Variants in HMGCLL1 observed in about 807,000 individuals in gnomAD.
HMGCLL1 encodes the protein 3-hydroxy-3-methylglutaryl-CoA lyase like 1.
A neutral mutation model predicts 39.1 loss-of-function variants in HMGCLL1; 36 were observed. The ratio of observed to expected loss-of-function variants is 0.92; its 90% confidence interval spans 0.71 to 1.22. HMGCLL1 has a LOEUF of 1.22. Ranked by LOEUF, HMGCLL1 falls within the 50% of genes most tolerant of loss-of-function variation. The pLI is 0.00. For missense variants in HMGCLL1, 451 were observed against 416.5 expected, an observed-to-expected ratio of 1.08 and a Z score of -0.72; for synonymous variants, 149 against 144.0, an observed-to-expected ratio of 1.03 and a Z score of -0.25.
At chr6:55,676,105 T>A in the HMGCLL1 span, among the ~76,000 whole-genome samples, 1 of 152,252 alleles carries the variant, frequency 6.6e-6, no homozygotes, top group African/African-American at 2.4e-5. Flanking sequence ...ACACTACATA[T>A]TTTTAGAATT....
intron 1 of HMGCLL1, among the ~76,000 whole-genome samples, chr6:55,571,097 C>T (rs1033962129): frequency 3.3e-5 from 5 of 152,198 alleles, no homozygotes; most frequent in Non-Finnish European, 2.9e-5. Flanking sequence ...ATGGGAGCTA[C>T]AATTCAAGTG....
intron 7 of HMGCLL1, among the ~76,000 whole-genome samples, chr6:55,478,597 A>G (rs1313414278): frequency 6.6e-6 from 1 of 151,498 alleles, no homozygotes; most frequent in Non-Finnish European, 1.5e-5. Flanking sequence ...AAATGAAACT[A>G]TTTAGCAGAA....
At chr6:55,524,209 A>G (rs1459281526) in intron 3 of HMGCLL1, among the ~76,000 whole-genome samples, 1 of 151,888 alleles carries the variant, frequency 6.6e-6, no homozygotes, top group African/African-American at 2.4e-5. Context: ...CTCTCCATAG[A>G]AAACATCATA....
At chr6:55,565,478 G>C (rs1771169557) in intron 1 of HMGCLL1, among the ~76,000 whole-genome samples, 1 of 152,058 alleles carries the variant, frequency 6.6e-6, no homozygotes, top group African/African-American at 2.4e-5. Flanking sequence ...TGTCCCATGT[G>C]ATGTAAGTTG....
At chr6:55,559,522 CTT>C in intron 1 of HMGCLL1, among the ~76,000 whole-genome samples, 1 of 152,142 alleles carries the variant, frequency 6.6e-6, no homozygotes. Flanking sequence ...CCTATGGTCT[CTT>C]TTCCCAGCAA....
intron 3 of HMGCLL1, among the ~76,000 whole-genome samples, chr6:55,524,030 GTTC>G (rs1768179408): frequency 1.3e-5 from 2 of 151,842 alleles, no homozygotes; most frequent in African/African-American, 4.8e-5. Flanking sequence ...AACTGTAGTA[GTTC>G]TTCTAAAATA....
At chr6:55,496,682 T>C (rs1766599916) in intron 6 of HMGCLL1, among the ~76,000 whole-genome samples, 2 of 151,848 alleles carry the variant, frequency 1.3e-5, no homozygotes, top group African/African-American at 4.9e-5. Context: ...CTAGTGATGC[T>C]GGAAGTGCTC....
intron 5 of HMGCLL1, among the ~76,000 whole-genome samples, chr6:55,505,935 AT>A (rs1767137284): frequency 6.6e-6 from 1 of 151,758 alleles, no homozygotes; most frequent in Non-Finnish European, 1.5e-5. Flanking sequence ...GGGGCTAGAC[AT>A]TTGCTTAAAA....
chr6:55,545,452 T>C (rs564685648), intron 1 of HMGCLL1, among the ~76,000 whole-genome samples: 1 of 152,310 alleles, frequency 6.6e-6, no homozygotes, highest in South Asian at 2.1e-4. Flanking sequence ...TTGAATCTAA[T>C]GTTACTATTT....
At chr6:55,578,789 G>T (rs1771885037) in intron 1 of HMGCLL1, among the ~76,000 whole-genome samples, 159 bp downstream of exon 1, 1 of 152,182 alleles carries the variant, frequency 6.6e-6, no homozygotes, top group South Asian at 2.1e-4. Context: ...ACGGGAAACC[G>T]TTTAAGGGGT....
At chr6:55,577,212 T>C in intron 1 of HMGCLL1, 1 of 1,535,054 alleles carries the variant, frequency 6.5e-7, no homozygotes, top group Non-Finnish European at 8.8e-7. Context: ...ATGTTAGTGC[T>C]GCTGTGAGTT....
At chr6:55,563,096 C>T (rs911025241) in intron 1 of HMGCLL1, among the ~76,000 whole-genome samples, 2 of 151,964 alleles carry the variant, frequency 1.3e-5, no homozygotes, top group African/African-American at 4.8e-5. Context: ...TGTGTATATG[C>T]ACACACGGTG....
chr6:55,590,994 G>T, the HMGCLL1 span, among the ~76,000 whole-genome samples: 1 of 151,888 alleles, frequency 6.6e-6, no homozygotes, highest in African/African-American at 2.4e-5. Flanking sequence ...TGTAAAAAGT[G>T]GATTCAAAAT....
chr6:55,573,746 A>C (rs900720216), intron 1 of HMGCLL1, among the ~76,000 whole-genome samples: 1 of 152,106 alleles, frequency 6.6e-6, no homozygotes, highest in Non-Finnish European at 1.5e-5. Flanking sequence ...GAGAAGATTT[A>C]AAAGGAAACA....
the HMGCLL1 span, among the ~76,000 whole-genome samples, chr6:55,619,954 G>T: frequency 6.6e-6 from 1 of 152,044 alleles, no homozygotes; most frequent in South Asian, 2.1e-4. Context: ...GTCTTTCTGT[G>T]CCTGGCTTAT....
rs36040810 is a variant in HMGCLL1, at chr6:55,564,840, C to CA, written c.108+14107dup. Among the ~76,000 whole-genome samples, 320 of 134,720 alleles carry CA rather than the reference C, an allele frequency of 2.4e-3. 1 individual carries two copies. The highest frequency in any genetic ancestry group is 3.8e-3 in the Middle Eastern group (1 of 264). 88.4% of individuals were successfully genotyped at this position (134,720 alleles called of 152,430 possible). A position where few individuals can be genotyped will look rare whatever the true frequency, so the allele number is the denominator to read the frequency against. On this transcript the variant is annotated intron_variant, in intron 1 of 8. Coordinates refer to ENST00000274901, the MANE Select transcript of HMGCLL1 (RefSeq NM_001042406.2). The stretch of plus-strand genomic sequence containing the variant: ...AAAAGGAGAAGGTCATGAAAGTTTT[C>CA]AAAAAAAAAAAAACCACTATGGAAT...
the HMGCLL1 span, among the ~76,000 whole-genome samples, chr6:55,646,387 A>C: frequency 6.6e-6 from 1 of 151,318 alleles, no homozygotes; most frequent in Non-Finnish European, 1.5e-5. Flanking sequence ...TTTCAAATTT[A>C]TTTATTTATT....
intron 1 of HMGCLL1, among the ~76,000 whole-genome samples, chr6:55,565,212 G>A (rs1021927549): frequency 3.9e-5 from 6 of 152,020 alleles, no homozygotes; most frequent in African/African-American, 1.4e-4. Context: ...TCTACCAGGT[G>A]AGTGGCCTAG....
At chr6:55,466,019 G>C (rs1764783524) in intron 7 of HMGCLL1, among the ~76,000 whole-genome samples, 1 of 151,912 alleles carries the variant, frequency 6.6e-6, no homozygotes, top group Non-Finnish European at 1.5e-5. Context: ...GACATATCAA[G>C]GTAAAAATAA....
Sources: gnomAD v4.1 joint callset for allele counts (sites outside exome capture counted in the v4.1 genomes callset) on GRCh38, gnomAD v4.1.1 for gene constraint, MANE v1.5 for transcripts, NCBI Gene and HGNC (gene_info 2026-07-23, HGNC 2026-07-21) for gene names.